The following POR variants were observed in gnomAD, a reference collection of about 807,000 sequenced individuals.
POR encodes the protein NADPH--cytochrome P450 reductase.
POR carries 56 observed loss-of-function variants against 84.0 expected under a neutral mutation model. That is an observed-to-expected ratio of 0.67 (90% CI 0.54 to 0.83). The LOEUF (loss-of-function observed/expected upper bound fraction) is 0.83, where lower values mean the gene tolerates loss of function less well. POR is among the 40% of genes least tolerant of loss of function. The probability of loss-of-function intolerance (pLI) is 0.00; values close to 1 mark genes in which losing one functional copy is unlikely to be tolerated. For missense variants in POR, 938 were observed against 944.3 expected (o/e 0.99, Z 0.09); for synonymous variants, 414 against 400.5 (o/e 1.03, Z -0.40).
At position 75,926,751 on chromosome 7, in the gene POR, G is replaced by A. The variant is rs1291360678; in HGVS notation, c.-5+11572G>A. 7.2e-5 allele frequency among the ~76,000 whole-genome samples: 11 copies of A among 152,222 alleles called. No individual in the cohort carries two copies. In the South Asian group the frequency reaches 1.0e-3, roughly 14 times the overall value. The stretch of plus-strand genomic sequence containing the variant: ...AGAGGTTGCAGTGAGCTGAGGTTGC[G>A]CCATTGCATTCCATCCAGCCTGGGC... On this transcript the variant is annotated intron_variant, in intron 1 of 15. Coordinates refer to ENST00000461988, the MANE Select transcript of POR (RefSeq NM_000941.3).
At chr7:75,966,178 A>G (rs1788173232) in intron 2 of POR, among the ~76,000 whole-genome samples, 1 of 152,186 alleles carries the variant, frequency 6.6e-6, no homozygotes, top group Non-Finnish European at 1.5e-5. Context: ...CTCAGTAAGA[A>G]GTCATTCCCT....
intron 1 of POR, among the ~76,000 whole-genome samples, chr7:75,950,357 A>C (rs1373168409): frequency 6.6e-6 from 1 of 152,226 alleles, no homozygotes; most frequent in Non-Finnish European, 1.5e-5. Flanking sequence ...GAAGGACTTC[A>C]CATCATGGGC....
intron 1 of POR, among the ~76,000 whole-genome samples, chr7:75,931,719 G>A (rs1554550166): frequency 6.6e-6 from 1 of 151,960 alleles, no homozygotes; most frequent in Non-Finnish European, 1.5e-5. Flanking sequence ...GCCTTGGTGT[G>A]TGCTCTTCCC....
At chr7:75,954,675 G>T (rs567348370) in intron 2 of POR, among the ~76,000 whole-genome samples, 6 of 151,694 alleles carry the variant, frequency 4.0e-5, no homozygotes, top group African/African-American at 1.5e-4. Flanking sequence ...GAGTAGCTGG[G>T]ACTAAAGGTG....
At chr7:75,960,492 T>TA (rs1554554340) in intron 2 of POR, among the ~76,000 whole-genome samples, 1 of 151,922 alleles carries the variant, frequency 6.6e-6, no homozygotes. Flanking sequence ...TATTTTTTTT[T>TA]AAAGACATGG....
At chr7:75,924,204 G>T (rs1163946984) in intron 1 of POR, among the ~76,000 whole-genome samples, 1 of 151,844 alleles carries the variant, frequency 6.6e-6, no homozygotes, top group African/African-American at 2.4e-5. Context: ...TAGGAAGAAA[G>T]GCACAAAAAT....
At chr7:75,942,959 T>C (rs559344716) in intron 1 of POR, among the ~76,000 whole-genome samples, 4 of 151,476 alleles carry the variant, frequency 2.6e-5, no homozygotes, top group Non-Finnish European at 5.9e-5. Context: ...TTTTCTTTTT[T>C]TTTTTTTATT....
intron 5 of POR, chr7:75,980,762 C>G: frequency 7.0e-7 from 1 of 1,437,768 alleles, no homozygotes; most frequent in Middle Eastern, 2.2e-4. Flanking sequence ...CCTGCCTGGC[C>G]TCGGAGAGCT....
chr7:75,950,082 G>A lies in POR; in HGVS notation c.-4-3907G>A, dbSNP rs185409244. On this transcript the variant is annotated intron_variant, in intron 1 of 15. Transcript: ENST00000461988. The stretch of plus-strand genomic sequence containing the variant: ...AGACGGGGTTTCACTGTGTTAGCCA[G>A]GATGGTCTCGATCTCCTGACCTCGT... 2.1e-4 allele frequency among the ~76,000 whole-genome samples: 31 copies of A among 151,000 alleles called. No homozygotes were observed. In the East Asian group the frequency reaches 6.1e-3, roughly 30 times the overall value.
At chr7:75,921,563 C>T (rs1167306615) in intron 1 of POR, among the ~76,000 whole-genome samples, 2 of 152,046 alleles carry the variant, frequency 1.3e-5, no homozygotes, top group Non-Finnish European at 2.9e-5. Flanking sequence ...CCACGCCCGG[C>T]CCTTTAAATC....
chr7:75,981,315 G>C, intron 6 of POR, 143 bp downstream of exon 6: 1 of 1,345,888 alleles, frequency 7.4e-7, no homozygotes. Flanking sequence ...TCCTGCCTCT[G>C]CCCTGCCCCT....
intron 2 of POR, among the ~76,000 whole-genome samples, chr7:75,966,774 G>A (rs961896516): frequency 3.9e-5 from 6 of 152,140 alleles, no homozygotes; most frequent in African/African-American, 7.2e-5. Context: ...TGCTTTTCCC[G>A]CCCTCCCTCA....
intron 3 of POR, among the ~76,000 whole-genome samples, chr7:75,974,983 G>C (rs1165962989): frequency 6.6e-6 from 1 of 152,040 alleles, no homozygotes; most frequent in Non-Finnish European, 1.5e-5. Context: ...CTTTTAGTGA[G>C]ATTCCATCTC....
chr7:75,975,500 C>T (rs944902080), intron 3 of POR, among the ~76,000 whole-genome samples: 13 of 152,064 alleles, frequency 8.5e-5, no homozygotes, highest in Admixed American at 6.6e-5. Context: ...ATTAGTGGGA[C>T]ACAGTGGTGC....
At chr7:75,930,893 T>C (rs1807382424) in intron 1 of POR, among the ~76,000 whole-genome samples, 1 of 151,994 alleles carries the variant, frequency 6.6e-6, no homozygotes, top group Non-Finnish European at 1.5e-5. Context: ...TGGGATCATA[T>C]CTCACTGTAA....
intron 2 of POR, among the ~76,000 whole-genome samples, chr7:75,954,908 A>C (rs1336924127): frequency 1.3e-5 from 2 of 151,970 alleles, no homozygotes; most frequent in Non-Finnish European, 2.9e-5. Context: ...GGGTCTCACC[A>C]TGTTGGCCAG....
chr7:75,950,199 T>C (rs782279220), intron 1 of POR, among the ~76,000 whole-genome samples: 5 of 151,804 alleles, frequency 3.3e-5, no homozygotes, highest in Non-Finnish European at 7.3e-5. Context: ...AGCATCCCCC[T>C]GTCTGCTGTG....
At chr7:75,968,379 C>T in intron 2 of POR, 1 of 419,632 alleles carries the variant, frequency 2.4e-6, no homozygotes. Flanking sequence ...GCTGCATTTC[C>T]CTGCTTCCAA....
chr7:75,930,710 C>T (rs1441309561), intron 1 of POR, among the ~76,000 whole-genome samples: 1 of 152,060 alleles, frequency 6.6e-6, no homozygotes, highest in Non-Finnish European at 1.5e-5. Context: ...TTAGTAAAGA[C>T]AGGGTTTCTC....
Sources: allele counts gnomAD v4.1 joint callset (sites outside exome capture counted in the v4.1 genomes callset), GRCh38; gene constraint gnomAD v4.1.1; transcripts MANE v1.5; gene names NCBI Gene and HGNC (gene_info 2026-07-23, HGNC 2026-07-21).